Variants in NELL1 observed in about 807,000 individuals in gnomAD.
The protein encoded by NELL1 is protein kinase C-binding protein NELL1.
Under a neutral mutation model 107.4 loss-of-function variants are expected in NELL1, and 76 were observed. That is an observed-to-expected ratio of 0.71 (90% CI 0.59 to 0.86). NELL1 has a LOEUF of 0.86. Ranked by LOEUF, NELL1 falls within the 40% of genes least tolerant of loss-of-function variation. NELL1 has a pLI of 0.00. For synonymous variants in NELL1, 353 were observed against 341.2 expected (o/e 1.03, Z -0.38); for missense variants, 1,024 against 1,005.5 (o/e 1.02, Z -0.25).
At chr11:21,292,272 A>G (rs530933786) in intron 14 of NELL1, among the ~76,000 whole-genome samples, 25 of 152,280 alleles carry the variant, frequency 1.6e-4, no homozygotes, top group Admixed American at 1.2e-3. Flanking sequence ...CACAAGCATT[A>G]CTATACACCA....
intron 5 of NELL1, among the ~76,000 whole-genome samples, chr11:20,897,557 A>G (rs1054634956): frequency 7.2e-5 from 11 of 152,332 alleles, no homozygotes; most frequent in African/African-American, 2.2e-4. Flanking sequence ...AAAAGCCAAA[A>G]TTGACAAATG....
Position 20,824,485 on chromosome 11 carries a change from G to A in NELL1, c.336-23098G>A, listed in dbSNP as rs143987806. ...GGCTCAGAAGAAGATAGGAAAATGT[G>A]GTAAAGTTTGGAACTTCCTAGACAC... On this transcript the variant is annotated intron_variant, in intron 3 of 19. Coordinates refer to ENST00000357134, the MANE Select transcript of NELL1 (RefSeq NM_006157.5). 2.6e-3 allele frequency among the ~76,000 whole-genome samples: 389 copies of A among 151,234 alleles called. 4 individuals carry two copies. Among genetic ancestry groups the A allele is most frequent in the African/African-American group, 9.1e-3 (376 of 41,408 alleles).
chr11:21,179,254 G>T (rs1856775080), intron 13 of NELL1, among the ~76,000 whole-genome samples: 1 of 151,876 alleles, frequency 6.6e-6, no homozygotes, highest in Admixed American at 6.6e-5. Flanking sequence ...AATATTTTAG[G>T]CAAGTGGTCT....
intron 12 of NELL1, among the ~76,000 whole-genome samples, chr11:20,980,170 T>C (rs1851720834): frequency 6.6e-6 from 1 of 152,210 alleles, no homozygotes; most frequent in South Asian, 2.1e-4. Flanking sequence ...TGTTCTCAGA[T>C]ACTGTGCTAG....
chr11:21,413,885 A>C (rs1428351581), intron 15 of NELL1, among the ~76,000 whole-genome samples: 1 of 152,118 alleles, frequency 6.6e-6, no homozygotes, highest in Non-Finnish European at 1.5e-5. Context: ...GGCAGGGGGC[A>C]TCAGTGGAAG....
At chr11:20,990,340 C>T (rs1851945541) in intron 12 of NELL1, among the ~76,000 whole-genome samples, 1 of 152,144 alleles carries the variant, frequency 6.6e-6, no homozygotes, top group African/African-American at 2.4e-5. Flanking sequence ...GCTGAAGTCT[C>T]CTCACCCAAC....
In NELL1 at chr11:20,744,830, G is replaced by C. The variant is rs192605808; in HGVS notation, c.185-38850G>C. ...TAGGGAGGGAATATATTTGCTGAAT[G>C]ACAGTCCAGACCATGATACTCCAAG... On this transcript the variant is annotated intron_variant, in intron 2 of 19. Transcript: ENST00000357134. Among the ~76,000 whole-genome samples the C allele has an allele frequency of 5.3e-5, 8 of 152,310 alleles. No homozygotes were observed. The South Asian group carries it at 1.0e-3, about 20-fold the overall frequency.
chr11:20,697,637 A>G (rs1047163184), intron 2 of NELL1, among the ~76,000 whole-genome samples: 1 of 152,104 alleles, frequency 6.6e-6, no homozygotes, highest in African/African-American at 2.4e-5. Context: ...CTCAGCCTCA[A>G]CTACGTTACA....
intron 3 of NELL1, among the ~76,000 whole-genome samples, chr11:20,837,082 C>T (rs930605790): frequency 3.3e-5 from 5 of 152,006 alleles, no homozygotes; most frequent in South Asian, 4.2e-4. Flanking sequence ...AGCTGACTTC[C>T]GGAACTTTGG....
At chr11:21,078,106 G>A (rs908139717) in intron 12 of NELL1, among the ~76,000 whole-genome samples, 11 of 151,828 alleles carry the variant, frequency 7.2e-5, no homozygotes, top group African/African-American at 2.7e-4. Flanking sequence ...ATTCTATAGA[G>A]GAGGATAAAA....
intron 15 of NELL1, among the ~76,000 whole-genome samples, chr11:21,417,070 G>A (rs887082009): frequency 9.2e-5 from 14 of 151,972 alleles, no homozygotes; most frequent in Non-Finnish European, 1.9e-4. Flanking sequence ...ACAACTTCAT[G>A]CACCTAAACA....
intron 15 of NELL1, among the ~76,000 whole-genome samples, chr11:21,514,194 A>C (rs1000658008): frequency 2.6e-5 from 4 of 152,236 alleles, no homozygotes; most frequent in Admixed American, 2.6e-4. Flanking sequence ...TAATACATTA[A>C]AGAAAATAGT....
At chr11:21,475,117 A>C (rs914964401) in intron 15 of NELL1, among the ~76,000 whole-genome samples, 1 of 152,184 alleles carries the variant, frequency 6.6e-6, no homozygotes, top group Admixed American at 6.6e-5. Flanking sequence ...AAAAAAGCTA[A>C]AAGCAAAATC....
chr11:21,456,702 A>C (rs1316784368), intron 15 of NELL1, among the ~76,000 whole-genome samples: 1 of 152,160 alleles, frequency 6.6e-6, no homozygotes, highest in African/African-American at 2.4e-5. Flanking sequence ...GAGCCAGCCT[A>C]CTATACAGAT....
chr11:21,507,246 A>G (rs566549297), intron 15 of NELL1, among the ~76,000 whole-genome samples: 5 of 152,318 alleles, frequency 3.3e-5, no homozygotes, highest in African/African-American at 1.2e-4. Flanking sequence ...TCATATAAAA[A>G]TCATATTAAG....
chr11:21,341,559 G>A (rs1362030824), intron 14 of NELL1, among the ~76,000 whole-genome samples: 3 of 152,102 alleles, frequency 2.0e-5, no homozygotes, highest in South Asian at 2.1e-4. Flanking sequence ...TATATTAATC[G>A]GGAGTGAATT....
At chr11:21,117,578 C>T (rs1855267619) in intron 13 of NELL1, among the ~76,000 whole-genome samples, 1 of 151,992 alleles carries the variant, frequency 6.6e-6, no homozygotes, top group Admixed American at 6.6e-5. Flanking sequence ...TATCATAGCA[C>T]TTTTATCAGT....
intron 15 of NELL1, among the ~76,000 whole-genome samples, chr11:21,378,158 C>A (rs988745154): frequency 6.6e-6 from 1 of 151,578 alleles, no homozygotes; most frequent in South Asian, 2.1e-4. Context: ...GAAAAATTCT[C>A]CAGACGTTGC....
chr11:21,509,379 A>G (rs1855378530), intron 15 of NELL1, among the ~76,000 whole-genome samples: 2 of 152,092 alleles, frequency 1.3e-5, no homozygotes, highest in South Asian at 4.1e-4. Flanking sequence ...TACTTGGGAA[A>G]CTCTTGTGCA....
Sources: gnomAD v4.1 joint callset for allele counts (sites outside exome capture counted in the v4.1 genomes callset) on GRCh38, gnomAD v4.1.1 for gene constraint, MANE v1.5 for transcripts, NCBI Gene and HGNC (gene_info 2026-07-23, HGNC 2026-07-21) for gene names.